Variants in RANBP9 observed in about 807,000 individuals in gnomAD.
RANBP9 encodes the protein RAN binding protein 9.
A neutral mutation model predicts 84.3 loss-of-function variants in RANBP9; 15 were observed. The observed-to-expected ratio is 0.18, with a 90% CI of 0.12 to 0.27. The LOEUF is 0.27. RANBP9 is among the 10% of genes least tolerant of loss of function. The probability of loss-of-function intolerance (pLI) is 1.00; values close to 1 mark genes in which losing one functional copy is unlikely to be tolerated. For missense variants in RANBP9, 809 were observed against 912.8 expected (o/e 0.89, Z 1.46); for synonymous variants, 392 against 349.6 (o/e 1.12, Z -1.35).
At chr6:13,709,821 A>G (rs1413097534) in intron 1 of RANBP9, among the ~76,000 whole-genome samples, 1 of 152,238 alleles carries the variant, frequency 6.6e-6, no homozygotes, top group African/African-American at 2.4e-5. Context: ...GTATAAGTTA[A>G]GAATTTAACC....
chr6:13,655,652 C>A (rs999757946), intron 4 of RANBP9, among the ~76,000 whole-genome samples: 1 of 152,036 alleles, frequency 6.6e-6, no homozygotes, highest in East Asian at 1.9e-4. Flanking sequence ...ATTGTCTTAT[C>A]TCCCAAAATG....
intron 9 of RANBP9, among the ~76,000 whole-genome samples, chr6:13,639,265 G>T (rs1765008666): frequency 6.6e-6 from 1 of 152,164 alleles, no homozygotes; most frequent in Admixed American, 6.5e-5. Flanking sequence ...TGCAACCTCT[G>T]CCTCCAGGAT....
At chr6:13,703,376 C>G (rs764655610) in intron 1 of RANBP9, among the ~76,000 whole-genome samples, 1 of 152,174 alleles carries the variant, frequency 6.6e-6, no homozygotes, top group African/African-American at 2.4e-5. Flanking sequence ...AAATCAGTCA[C>G]GACCTAGACC....
At chr6:13,662,498 C>G (rs1323061221) in intron 2 of RANBP9, among the ~76,000 whole-genome samples, 1 of 152,272 alleles carries the variant, frequency 6.6e-6, no homozygotes, top group East Asian at 1.9e-4. Context: ...AACCCGGTCC[C>G]TAATATGGTG....
intron 2 of RANBP9, among the ~76,000 whole-genome samples, chr6:13,683,084 A>G (rs1766082820): frequency 6.6e-6 from 1 of 152,190 alleles, no homozygotes. Context: ...ATGAATCTCA[A>G]CTCTTAACCA....
chr6:13,674,200 C>G (rs112111821), intron 2 of RANBP9, among the ~76,000 whole-genome samples: 3 of 151,908 alleles, frequency 2.0e-5, no homozygotes, highest in African/African-American at 7.2e-5. Context: ...TGTGAATCAT[C>G]TAAATATACC....
At chr6:13,630,846 T>C (rs911400452) in intron 12 of RANBP9, among the ~76,000 whole-genome samples, 1 of 151,836 alleles carries the variant, frequency 6.6e-6, no homozygotes, top group Non-Finnish European at 1.5e-5. Flanking sequence ...TTTTTCTATT[T>C]TTTTTTTTTT....
chr6:13,710,915 GC>G lies in RANBP9; in HGVS notation c.571+19del. On this transcript the variant is annotated intron_variant, in intron 1 of 13. Transcript: ENST00000011619. ...GTCGGGTCAGTGCCCCACTCCCACC[GC>G]AGGACACACGCCCAGTACCTTTGTA... The G allele has an allele frequency of 6.3e-7, 1 of 1,584,828 alleles. No individual in the cohort carries two copies. The highest frequency in any genetic ancestry group is 1.8e-5 in the Admixed American group (1 of 56,752).
chr6:13,647,787 T>C (rs1584921365), intron 5 of RANBP9, among the ~76,000 whole-genome samples: 1 of 152,316 alleles, frequency 6.6e-6, no homozygotes, highest in East Asian at 1.9e-4. Flanking sequence ...TAATATTAAG[T>C]CAGTTTTGGC....
intron 10 of RANBP9, among the ~76,000 whole-genome samples, chr6:13,637,265 A>G (rs1764959354): frequency 6.6e-6 from 1 of 152,194 alleles, no homozygotes; most frequent in Non-Finnish European, 1.5e-5. Context: ...TCCTCACACC[A>G]ATGTTTACTA....
intron 2 of RANBP9, among the ~76,000 whole-genome samples, chr6:13,666,390 T>G (rs1765647623): frequency 6.6e-6 from 1 of 151,810 alleles, no homozygotes; most frequent in Admixed American, 6.6e-5. Flanking sequence ...GGAAATGGGA[T>G]TGGAAGCACA....
intron 2 of RANBP9, among the ~76,000 whole-genome samples, chr6:13,685,384 GAAAT>G (rs1766148658): frequency 6.6e-6 from 1 of 152,024 alleles, no homozygotes; most frequent in Non-Finnish European, 1.5e-5. Flanking sequence ...CTGCTACATA[GAAAT>G]AAATCAATAA....
intron 5 of RANBP9, among the ~76,000 whole-genome samples, chr6:13,645,670 G>A (rs1274152502): frequency 6.6e-6 from 1 of 152,152 alleles, no homozygotes; most frequent in Non-Finnish European, 1.5e-5. Context: ...AGATGGAATT[G>A]GAACACAAGT....
At chr6:13,671,071 T>C (rs1254543935) in intron 2 of RANBP9, among the ~76,000 whole-genome samples, 1 of 152,142 alleles carries the variant, frequency 6.6e-6, no homozygotes, top group Non-Finnish European at 1.5e-5. Flanking sequence ...CAAGTAAAAC[T>C]ATGTTAATCA....
Position 13,641,275 on chromosome 6 carries a change from C to T in RANBP9, c.1258G>A (p.Gly420Arg). 1 of 1,603,144 alleles carries T rather than the reference C, an allele frequency of 6.2e-7. No homozygotes were observed. The change falls in exon 8 of 14, where the codon GGA becomes AGA. Residue 420 changes from glycine to arginine, a missense_variant. Coordinates refer to ENST00000011619, the MANE Select transcript of RANBP9 (RefSeq NM_005493.3). ...TGTTGTGTTGTTTCAATGGCTTCTCCCATTCTTCCTGCTAATACCAATTTC... is the reference window on the plus strand; with the variant it reads ...TGTTGTGTTGTTTCAATGGCTTCTCTCATTCTTCCTGCTAATACCAATTTC... Reference protein sequence around the residue: ...IQKLVLAGRMGEAIETTQQLY... With the variant: ...IQKLVLAGRMREAIETTQQLY...
intron 1 of RANBP9, among the ~76,000 whole-genome samples, chr6:13,702,168 C>A (rs1239917825): frequency 1.3e-5 from 2 of 152,138 alleles, no homozygotes; most frequent in Non-Finnish European, 2.9e-5. Flanking sequence ...CAAGGCTGGG[C>A]GCAGTGGCTC....
intron 6 of RANBP9, among the ~76,000 whole-genome samples, chr6:13,643,083 G>C (rs1584918812): frequency 2.0e-5 from 3 of 152,254 alleles, no homozygotes; most frequent in East Asian, 1.9e-4. Flanking sequence ...GGATCACAAA[G>C]TATGTACAGA....
chr6:13,641,130 CTT>C (rs1765052844), intron 8 of RANBP9, 67 bp downstream of exon 8: 7 of 1,019,112 alleles, frequency 6.9e-6, no homozygotes, highest in South Asian at 2.1e-5. Context: ...ACGAAAATGT[CTT>C]TTATTACATA....
intron 8 of RANBP9, among the ~76,000 whole-genome samples, chr6:13,640,382 A>G (rs984785980): frequency 6.6e-6 from 1 of 152,340 alleles, no homozygotes; most frequent in East Asian, 1.9e-4. Flanking sequence ...TAGAATTACC[A>G]TATGATCCAG....
Sources: allele counts gnomAD v4.1 joint callset (sites outside exome capture counted in the v4.1 genomes callset), GRCh38; gene constraint gnomAD v4.1.1; transcripts MANE v1.5; gene names NCBI Gene and HGNC (gene_info 2026-07-23, HGNC 2026-07-21).